The following ZNF492 variants were observed in gnomAD, a reference collection of about 807,000 sequenced individuals.
ZNF492 encodes the protein zinc finger protein 492, also known as zinc finger protein 115 (Y20).
Under a neutral mutation model 6.4 loss-of-function variants are expected in ZNF492, and 3 were observed. The ratio of observed to expected loss-of-function variants is 0.47; its 90% CI spans 0.21 to 1.22. The LOEUF is 1.22. Ranked by LOEUF, ZNF492 falls within the 50% of genes most tolerant of loss-of-function variation. ZNF492 has a pLI of 0.22. For synonymous variants in ZNF492, 112 were observed against 205.3 expected (o/e 0.55, Z 3.89); for missense variants, 356 against 612.5 (o/e 0.58, Z 4.42).
At chr19:22,652,521 G>A (rs1971950800) in intron 1 of ZNF492, among the ~76,000 whole-genome samples, 1 of 151,574 alleles carries the variant, frequency 6.6e-6, no homozygotes, top group African/African-American at 2.4e-5. Flanking sequence ...CCAAAAACAT[G>A]GGCATTACTG....
intron 1 of ZNF492, among the ~76,000 whole-genome samples, chr19:22,636,669 C>T (rs12459997): frequency 0.35 from 52,317 of 149,894 alleles, 9,637 homozygotes; most frequent in African/African-American, 0.49. Context: ...AGTTTTGCTC[C>T]TATTGCCCAG....
chr19:22,656,130 A>G (rs527777302), intron 3 of ZNF492, among the ~76,000 whole-genome samples: 1 of 144,706 alleles, frequency 6.9e-6, no homozygotes, highest in Admixed American at 6.8e-5. Context: ...GCCCTCTTCA[A>G]GTTTTTATAA....
At chr19:22,648,639 G>C (rs1971908615) in intron 1 of ZNF492, among the ~76,000 whole-genome samples, 2 of 152,186 alleles carry the variant, frequency 1.3e-5, no homozygotes, top group African/African-American at 2.4e-5. Flanking sequence ...TGCATTGGGT[G>C]CTTATGTATT....
At chr19:22,654,731 A>T (rs1212127517) in intron 3 of ZNF492, among the ~76,000 whole-genome samples, 1 of 150,358 alleles carries the variant, frequency 6.7e-6, no homozygotes, top group African/African-American at 2.4e-5. Flanking sequence ...CCTCCTGAGT[A>T]GCTGGGAATA....
chr19:22,659,456 C>T (rs1047862444), intron 3 of ZNF492, among the ~76,000 whole-genome samples: 19 of 151,500 alleles, frequency 1.3e-4, no homozygotes, highest in African/African-American at 4.1e-4. Context: ...ATTTTTATTA[C>T]GGAAAATGCA....
At chr19:22,663,265 T>G (rs1599403634) in intron 3 of ZNF492, among the ~76,000 whole-genome samples, 1 of 152,004 alleles carries the variant, frequency 6.6e-6, no homozygotes, top group Middle Eastern at 3.4e-3. Context: ...GTGTTATTTC[T>G]GAGGTCTCTA....
chr19:22,641,450 G>A (rs1971824551), intron 1 of ZNF492, among the ~76,000 whole-genome samples: 1 of 152,142 alleles, frequency 6.6e-6, no homozygotes, highest in Admixed American at 6.5e-5. Flanking sequence ...TTATCAAGCT[G>A]TGGCCTCTGT....
At chr19:22,647,152 A>G (rs554007228) in intron 1 of ZNF492, among the ~76,000 whole-genome samples, 10 of 151,630 alleles carry the variant, frequency 6.6e-5, no homozygotes, top group Non-Finnish European at 1.3e-4. Context: ...CGGCCTCCCA[A>G]AGTGGTGGGA....
chr19:22,658,420 C>A (rs1972019739), intron 3 of ZNF492, among the ~76,000 whole-genome samples: 1 of 151,302 alleles, frequency 6.6e-6, no homozygotes, highest in Non-Finnish European at 1.5e-5. Flanking sequence ...CTCAAAAACA[C>A]TGTACATTTC....
rs199946960 is a variant in ZNF492 at position 22,664,361 on chromosome 19, G to A, written c.692G>A (p.Gly231Asp). 45,088 of 1,540,918 alleles carry A rather than the reference G, an allele frequency of 0.029. 532 individuals carry two copies. The highest frequency in any genetic ancestry group is 0.066 in the East Asian group (2,751 of 41,702). The change falls in exon 4 of 4, where the codon GGC becomes GAC. Residue 231 changes from glycine (G) to aspartate (D), a missense_variant. By Grantham distance (94) the Gly-to-Asp change is moderately conservative (BLOSUM62 -1). Around this residue, in one of 7 missense-constraint regions of ZNF492, gnomAD observed 7 missense variants for 68.6 expected, o/e 0.10. Transcript: ENST00000456783. ...GKKPYKCEEC[G>D]KAFNQSANLT... ...AAACCCTACAAATGTGAGGAGTGTG[G>A]CAAAGCTTTTAACCAATCTGCAAAC...
intron 1 of ZNF492, among the ~76,000 whole-genome samples, chr19:22,644,514 T>A (rs2145246865): frequency 6.6e-6 from 1 of 152,326 alleles, no homozygotes; most frequent in African/African-American, 2.4e-5. Context: ...TTGCTGAGGA[T>A]GATGACTTCC....
chr19:22,637,469 T>C (rs1951722848), intron 1 of ZNF492, among the ~76,000 whole-genome samples: 1 of 151,990 alleles, frequency 6.6e-6, no homozygotes, highest in African/African-American at 2.4e-5. Context: ...ATTTTTTTGG[T>C]ATTTTTTGTA....
Position 22,663,815 on chromosome 19 carries a change from T to G in ZNF492, c.146T>G (p.Phe49Cys). 6.6e-7 allele frequency: 1 copy of G among 1,519,464 alleles called. No individual in the cohort carries two copies. The highest frequency in any genetic ancestry group is 1.4e-5 in the South Asian group (1 of 73,640). 94.1% of individuals were successfully genotyped at this position (1,519,464 alleles called of 1,614,324 possible). ...VAEPPVVCSY[F>C]ARDLWPKQGK... is the part of the protein sequence containing the mutation. The stretch of plus-strand genomic sequence containing the variant: ...TTTCTTTCAGTTGTATGTTCTTATT[T>G]TGCCCGAGACCTTTGGCCAAAGCAG... Residue 49 changes from phenylalanine to cysteine, a missense_variant, in exon 4 of 4, where the codon TTT becomes TGT. Phe to Cys is a radical substitution (Grantham distance 205, BLOSUM62 -2). This residue lies in a region of ZNF492 where 196 missense variants were observed against 219.4 expected (regional missense o/e 0.89). Coordinates refer to ENST00000456783, the MANE Select transcript of ZNF492 (RefSeq NM_020855.3).
At chr19:22,634,793 A>C (rs1307900432) in intron 1 of ZNF492, among the ~76,000 whole-genome samples, 7 of 152,096 alleles carry the variant, frequency 4.6e-5, no homozygotes, top group Non-Finnish European at 8.8e-5. Flanking sequence ...TCAGGGGAGA[A>C]TCCTGACTCG....
chr19:22,652,221 C>CTTTTTTTTTTTTTT lies in ZNF492; in HGVS notation c.-93-1082_-93-1069dup, dbSNP rs59051481. Among the ~76,000 whole-genome samples, 108 of 105,464 alleles carry CTTTTTTTTTTTTTT rather than the reference C, an allele frequency of 1.0e-3. 19 individuals carry two copies. The highest frequency in any genetic ancestry group is 4.5e-3 in the African/African-American group (80 of 17,620). 69.2% of individuals were successfully genotyped at this position (105,464 alleles called of 152,430 possible). A position where few individuals can be genotyped will look rare whatever the true frequency, so the allele number is the denominator to read the frequency against. On this transcript the variant is annotated intron_variant, in intron 1 of 3. Transcript: ENST00000456783. Reference sequence around the variant, plus strand: ...AATCTGGCAGCTGACCTTTCTTAGGCTTTTTTTTTTTTTTTTTGAGACGGA... The same window carrying CTTTTTTTTTTTTTT: ...AATCTGGCAGCTGACCTTTCTTAGGCTTTTTTTTTTTTTTTTTTTTTTTTTTTTTTTGAGACGGA...
At chr19:22,644,249 CTTATT>C (rs1568352868) in intron 1 of ZNF492, among the ~76,000 whole-genome samples, 5 of 152,072 alleles carry the variant, frequency 3.3e-5, no homozygotes, top group Admixed American at 2.0e-4. Flanking sequence ...ATATTGAATA[CTTATT>C]TTATTTTTAT....
In ZNF492 at chr19:22,665,023, G is replaced by T. The variant is rs1457902739; in HGVS notation, c.1354G>T (p.Glu452Ter). Reference sequence around the variant, plus strand: ...TACTGGAGAGAAGCCCTACAAATATGAAGAATGTGGCAAAGCTTTTAACCA... The same window carrying T: ...TACTGGAGAGAAGCCCTACAAATATTAAGAATGTGGCAAAGCTTTTAACCA... ...IHTGEKPYKYEECGKAFNQSS... is the reference protein window; with the variant it reads ...IHTGEKPYKY Residue 452 changes from glutamate (E) to a stop codon, truncating the protein, a stop_gained, in exon 4 of 4, where the codon GAA becomes TAA. Transcript: ENST00000456783. LOFTEE classifies it low-confidence loss of function (END_TRUNC). 2.5e-6 allele frequency: 4 copies of T among 1,583,756 alleles called. No homozygotes were observed. The highest frequency in any genetic ancestry group is 3.4e-6 in the Non-Finnish European group (4 of 1,165,090).
At chr19:22,647,605 T>C (rs180938175) in intron 1 of ZNF492, among the ~76,000 whole-genome samples, 1 of 131,294 alleles carries the variant, frequency 7.6e-6, no homozygotes, top group East Asian at 2.2e-4. Context: ...CTGGATTCAT[T>C]GATTTTTTTT....
intron 3 of ZNF492, among the ~76,000 whole-genome samples, chr19:22,661,466 G>GT (rs1035262480): frequency 8.6e-5 from 13 of 152,034 alleles, no homozygotes; most frequent in Admixed American, 2.6e-4. Flanking sequence ...TTTAAAATGT[G>GT]TTTTTTTCTG....
Sources: gnomAD v4.1 joint callset for allele counts (sites outside exome capture counted in the v4.1 genomes callset) on GRCh38, gnomAD v4.1.1 for gene constraint, gnomAD v4.1.1 regional missense constraint, MANE v1.5 for transcripts, NCBI Gene and HGNC (gene_info 2026-07-23, HGNC 2026-07-21) for gene names.